E2F4: variants seen among roughly 807,000 people sequenced by gnomAD.
E2F4 encodes the protein transcription factor E2F4.
E2F4 carries 16 observed loss-of-function variants against 44.5 expected under a neutral mutation model. The ratio of observed to expected loss-of-function variants is 0.36; its 90% CI spans 0.24 to 0.55. The LOEUF is 0.55. Among genes scored for constraint, E2F4 ranks in the 20% least tolerant of loss-of-function variants. The pLI, the probability that E2F4 is intolerant of heterozygous loss-of-function variation, is 0.87. For missense variants in E2F4, 473 were observed against 522.1 expected, an observed-to-expected ratio of 0.91 and a Z score of 0.92; for synonymous variants, 242 against 207.2, an observed-to-expected ratio of 1.17 and a Z score of -1.44.
chr16:67,197,590 G>C lies in E2F4; in HGVS notation c.1034-9G>C, dbSNP rs372772302. ...TCTGTGCCCTGAGCATGGCTTTCTT[G>C]TTTTTCAGTTTTGGAACTCCCCAAA... On this transcript the variant is annotated splice_polypyrimidine_tract_variant and intron_variant, in intron 7 of 9. Transcript: ENST00000379378. 6.2e-7 allele frequency: 1 copy of C among 1,613,960 alleles called. No homozygotes were observed. Among genetic ancestry groups the C allele is most frequent in the African/African-American group, 1.3e-5 (1 of 74,886 alleles).
rs1295237761 is a variant in E2F4 at position 67,192,155 on chromosome 16, A to G, written c.-73A>G. The G allele has an allele frequency of 2.5e-6, 3 of 1,185,426 alleles. No homozygotes were observed. Among genetic ancestry groups the G allele is most frequent in the East Asian group, 3.7e-5 (1 of 27,316 alleles). 73.4% of individuals were successfully genotyped at this position (1,185,426 alleles called of 1,614,324 possible). A position where few individuals can be genotyped will look rare whatever the true frequency, so the allele number is the denominator to read the frequency against. On this transcript the variant is annotated 5_prime_UTR_variant, in exon 1 of 10. Coordinates refer to ENST00000379378, the MANE Select transcript of E2F4 (RefSeq NM_001950.4). ...CGCTGGCTCCGGCTGCCCGGCGGCC[A>G]GGAACGGAAGCGGAAGTGGCGGCGG...
At chr16:67,196,457 C>T (rs2032971708) in intron 7 of E2F4, among the ~76,000 whole-genome samples, 1 of 152,164 alleles carries the variant, frequency 6.6e-6, no homozygotes, top group Non-Finnish European at 1.5e-5. Context: ...TTTGCTGGTG[C>T]TCTCTTGGTC....
chr16:67,198,010 T>C lies in E2F4; in HGVS notation c.1129T>C (p.Phe377Leu), dbSNP rs1567689304. 1.2e-6 allele frequency: 2 copies of C among 1,614,064 alleles called. No homozygotes were observed. Among genetic ancestry groups the C allele is most frequent in the Non-Finnish European group, 1.7e-6 (2 of 1,179,952 alleles). The change falls in exon 10 of 10, where the codon TTT (phenylalanine) becomes CTT (leucine). Residue 377 changes from phenylalanine to leucine, a missense_variant and splice_region_variant. Physicochemically the swap from Phe to Leu is conservative, Grantham distance 22. Around this residue, in one of 3 missense-constraint regions of E2F4, gnomAD observed 314 missense variants for 315.6 expected, o/e 0.99. Coordinates refer to ENST00000379378, the MANE Select transcript of E2F4 (RefSeq NM_001950.4). ...CCTGAGACTAGTGCTCTCTGCAGTG[T>C]TTGCCCCTCTGCTTCGTCTTTCTCC... ...LLEELMSSEV[F>L]APLLRLSPPP... is the part of the protein sequence containing the mutation.
At chr16:67,193,411 C>G (rs759689997) in intron 3 of E2F4, 61 bp from the exon 4 acceptor site, 10 of 1,604,466 alleles carry the variant, frequency 6.2e-6, no homozygotes, top group East Asian at 2.2e-5. Context: ...AGAATTGGGT[C>G]TTTTCTGTAG....
chr16:67,197,930 T>G lies in E2F4; in HGVS notation c.1126+19T>G, dbSNP rs774590768. ...TCAGAAGGTGGGTGGCCCTGGAAGG[T>G]GGGAGTGGGTGTGGGCAGGGGTTGG... On this transcript the variant is annotated intron_variant, in intron 9 of 9. Coordinates refer to ENST00000379378, the MANE Select transcript of E2F4 (RefSeq NM_001950.4). The G allele has an allele frequency of 9.3e-6, 15 of 1,614,030 alleles. No individual in the cohort carries two copies. The highest frequency in any genetic ancestry group is 1.7e-4 in the Middle Eastern group (1 of 6,060).
chr16:67,192,275 C>T lies in E2F4; in HGVS notation c.48C>T (p.Ser16=). 1.5e-6 allele frequency: 2 copies of T among 1,330,448 alleles called. No individual in the cohort carries two copies. Among genetic ancestry groups the T allele is most frequent in the Non-Finnish European group, 1.9e-6 (2 of 1,036,416 alleles). The allele number at this position is 1,330,448 out of a possible 1,614,324, so 82.4% of individuals were successfully genotyped here. Residue 16 remains serine (S), a synonymous_variant, in exon 1 of 10, where the codon AGC becomes AGT. Transcript: ENST00000379378. ...PQAPPPPGTP[S]RHEKSLGLLT... is the part of the protein sequence containing the mutation. The stretch of plus-strand genomic sequence containing the variant: ...CGCCGCCGCCCCCGGGCACTCCAAG[C>T]CGGCACGAAAAGAGCCTGGGACTGC...
In E2F4 at chr16:67,193,029, A is replaced by G. The variant is rs760695048; in HGVS notation, c.266A>G (p.Asn89Ser). ...IQWKGVGPGC[N>S]TREIADKLIE... The stretch of plus-strand genomic sequence containing the variant: ...CTCAGGGGTGTGGGGCCTGGCTGCA[A>G]TACCCGGGAGATTGCTGACAAACTG... The change falls in exon 3 of 10, where the codon AAT becomes AGT. Residue 89 changes from asparagine (N) to serine (S), a missense_variant. Physicochemically the swap from Asn to Ser is conservative, Grantham distance 46. Around this residue, in one of 3 missense-constraint regions of E2F4, gnomAD observed 119 missense variants for 175.6 expected, o/e 0.68. Transcript: ENST00000379378. 25 of 1,571,866 alleles carry G rather than the reference A, an allele frequency of 1.6e-5. 1 individual carries two copies. Among genetic ancestry groups the G allele is most frequent in the South Asian group, 8.1e-5 (7 of 86,200 alleles).
Position 67,192,833 on chromosome 16 carries a change from C to T in E2F4, c.208C>T (p.Leu70=). 3.1e-6 allele frequency: 5 copies of T among 1,612,776 alleles called. No individual in the cohort carries two copies. Among genetic ancestry groups the T allele is most frequent in the Non-Finnish European group, 4.2e-6 (5 of 1,179,370 alleles). The part of the protein sequence containing the change: ...DITNVLEGIG[L]IEKKSKNSIQ... ...TACCAATGTTTTGGAAGGTATCGGG[C>T]TAATCGAGAAAAAGTCCAAGAACAG... Residue 70 remains leucine (L), a synonymous_variant, in exon 2 of 10, where the codon CTA becomes TTA. Transcript: ENST00000379378.
In E2F4 at chr16:67,193,018, GC is replaced by G; in HGVS notation, c.257del (p.Pro86LeufsTer12). The G allele has an allele frequency of 1.3e-6, 2 of 1,570,948 alleles. No homozygotes were observed. The highest frequency in any genetic ancestry group is 1.2e-5 in the South Asian group (1 of 86,208). On this transcript the variant is annotated frameshift_variant, in exon 3 of 10. Coordinates refer to ENST00000379378, the MANE Select transcript of E2F4 (RefSeq NM_001950.4). LOFTEE classifies it high-confidence loss of function. ...CACTCCCTGGGCTCAGGGGTGTGGG[GC>G]CTGGCTGCAATACCCGGGAGATTGC... ...KNSIQWKGVG[P>X]GCNTREIADK...
chr16:67,194,325 C>T (rs893945004), intron 4 of E2F4, 73 bp from the exon 5 acceptor site: 28 of 1,546,102 alleles, frequency 1.8e-5, no homozygotes, highest in South Asian at 1.1e-4. Flanking sequence ...TGCCTTGCTC[C>T]AAAAGGCAGG....
chr16:67,193,757 T>C (rs1366073398), intron 4 of E2F4, among the ~76,000 whole-genome samples: 4 of 152,132 alleles, frequency 2.6e-5, no homozygotes, highest in Non-Finnish European at 5.9e-5. Flanking sequence ...CTCTACTGTT[T>C]CCTGGATTTG....
rs762395988 is a variant in E2F4 at position 67,198,077 on chromosome 16, G to C, written c.1196G>C (p.Ser399Thr). ...GATTATATCTACAACCTGGACGAGA[G>C]TGAAGGTGTCTGTGACCTCTTTGAT... is the stretch of plus-strand genomic sequence containing the variant. ...DHDYIYNLDE[S>T]EGVCDLFDVP... is the part of the protein sequence containing the mutation. The change falls in exon 10 of 10, where the codon AGT becomes ACT. Residue 399 changes from serine (S) to threonine (T), a missense_variant. Coordinates refer to ENST00000379378, the MANE Select transcript of E2F4 (RefSeq NM_001950.4). 2 of 1,613,948 alleles carry C rather than the reference G, an allele frequency of 1.2e-6. No individual in the cohort carries two copies. Among genetic ancestry groups the C allele is most frequent in the African/African-American group, 2.7e-5 (2 of 74,922 alleles).
chr16:67,195,890 ACAGCAGCAGCAGCAGCAGCAG>A lies in E2F4; in HGVS notation c.938_958del (p.Ser313_Ser319del), dbSNP rs3830472. ...CCACTGCAGTCTTCTGCCCTGCTGG[ACAGCAGCAGCAGCAGCAGCAG>A]CAGCAGCAGCAGCAGCAGCAACAGT... is the stretch of plus-strand genomic sequence containing the variant. On this transcript the variant is annotated inframe_deletion, in exon 7 of 10. Transcript: ENST00000379378. The A allele has an allele frequency of 2.7e-4, 434 of 1,608,070 alleles. No individual in the cohort carries two copies. Among genetic ancestry groups the A allele is most frequent in the African/African-American group, 1.4e-3 (100 of 73,722 alleles).
chr16:67,198,152 G>C lies in E2F4; in HGVS notation c.*29G>C. 6.2e-7 allele frequency: 1 copy of C among 1,602,800 alleles called. No homozygotes were observed. The highest frequency in any genetic ancestry group is 8.5e-7 in the Non-Finnish European group (1 of 1,171,424). ...ACAGGGACATGCCCTGTGTGGCTGG[G>C]ACCCAGACTGTCTGACCTGGGGGTT... On this transcript the variant is annotated 3_prime_UTR_variant, in exon 10 of 10. Transcript: ENST00000379378.
chr16:67,194,251 C>T (rs562651827), intron 4 of E2F4, 147 bp from the exon 5 acceptor site: 4 of 783,086 alleles, frequency 5.1e-6, no homozygotes, highest in African/African-American at 3.5e-5. Context: ...AGCTTTAGCT[C>T]TGCCTGGCCA....
rs201259106 is a variant in E2F4 at position 67,197,991 on chromosome 16, A to G, written c.1127-17A>G. 8.7e-6 allele frequency: 14 copies of G among 1,613,908 alleles called. No homozygotes were observed. The highest frequency in any genetic ancestry group is 2.2e-5 in the East Asian group (1 of 44,874). ...GGGGAGCCCTGGCCCAGGGCCTGAG[A>G]CTAGTGCTCTCTGCAGTGTTTGCCC... is the stretch of plus-strand genomic sequence containing the variant. On this transcript the variant is annotated splice_polypyrimidine_tract_variant and intron_variant, in intron 9 of 9. Coordinates refer to ENST00000379378, the MANE Select transcript of E2F4 (RefSeq NM_001950.4).
chr16:67,198,081 A>G lies in E2F4; in HGVS notation c.1200A>G (p.Glu400=). 2 of 1,614,012 alleles carry G rather than the reference A, an allele frequency of 1.2e-6. No homozygotes were observed. The highest frequency in any genetic ancestry group is 2.2e-5 in the South Asian group (2 of 91,090). The stretch of plus-strand genomic sequence containing the variant: ...ATATCTACAACCTGGACGAGAGTGA[A>G]GGTGTCTGTGACCTCTTTGATGTGC... ...HDYIYNLDES[E]GVCDLFDVPV... Residue 400 remains glutamate, a synonymous_variant, in exon 10 of 10, where the codon GAA becomes GAG. Transcript: ENST00000379378.
In E2F4 at chr16:67,194,745, G is replaced by C; in HGVS notation, c.573G>C (p.Glu191Asp). The C allele has an allele frequency of 6.2e-7, 1 of 1,614,180 alleles. No homozygotes were observed. The highest frequency in any genetic ancestry group is 8.5e-7 in the Non-Finnish European group (1 of 1,180,028). ...TGAAGAGTGTGAGTGGTCCCATTGA[G>C]GTTCTGCTGGTGAACAAGGAGGCAT... ...IHLKSVSGPI[E>D]VLLVNKEAWS... Residue 191 changes from glutamate to aspartate, a missense_variant, in exon 6 of 10, where the codon GAG (glutamate) becomes GAC (aspartate). Coordinates refer to ENST00000379378, the MANE Select transcript of E2F4 (RefSeq NM_001950.4).
intron 6 of E2F4, 127 bp from the exon 7 acceptor site, chr16:67,195,655 C>T (rs1047840239): frequency 2.6e-6 from 4 of 1,512,842 alleles, no homozygotes; most frequent in Non-Finnish European, 3.6e-6. Flanking sequence ...GGGTGACTGG[C>T]AATGCCTAAT....
Sources: allele counts gnomAD v4.1 joint callset (sites outside exome capture counted in the v4.1 genomes callset), GRCh38; gene constraint gnomAD v4.1.1; regional missense constraint gnomAD v4.1.1; transcripts MANE v1.5; gene names NCBI Gene and HGNC (gene_info 2026-07-23, HGNC 2026-07-21).